Variants in KCNMB2 observed in about 807,000 individuals in gnomAD.
KCNMB2 encodes calcium-activated potassium channel subunit beta-2.
KCNMB2 carries 9 observed loss-of-function variants against 24.5 expected under a neutral mutation model. The observed-to-expected ratio is 0.37, with a 90% CI of 0.22 to 0.64. The LOEUF (loss-of-function observed/expected upper bound fraction) is 0.64. Ranked by LOEUF, KCNMB2 falls within the 30% of genes least tolerant of loss-of-function variation. KCNMB2 has a pLI of 0.63. For synonymous variants in KCNMB2, 109 were observed against 104.4 expected, an observed-to-expected ratio of 1.04 and a Z score of -0.27; for missense variants, 226 against 284.3, an observed-to-expected ratio of 0.79 and a Z score of 1.47.
intron 1 of KCNMB2, among the ~76,000 whole-genome samples, chr3:178,573,438 G>C (rs964615123): frequency 1.3e-5 from 2 of 152,042 alleles, no homozygotes; most frequent in Non-Finnish European, 2.9e-5. Flanking sequence ...TTCCGTATTT[G>C]ACCAAAGATT....
At chr3:178,804,360 A>G (rs1303186810) in intron 1 of KCNMB2, among the ~76,000 whole-genome samples, 1 of 152,128 alleles carries the variant, frequency 6.6e-6, no homozygotes, top group Non-Finnish European at 1.5e-5. Context: ...TTTAACCTGC[A>G]CAGAACCTTT....
At chr3:178,811,682 G>A (rs1714199631) in intron 2 of KCNMB2, among the ~76,000 whole-genome samples, 1 of 151,964 alleles carries the variant, frequency 6.6e-6, no homozygotes, top group African/African-American at 2.4e-5. Flanking sequence ...TCTTCTACAT[G>A]TCTCTTTGTG....
intron 4 of KCNMB2, 148 bp from the exon 5 acceptor site, chr3:178,842,505 G>A: frequency 1.7e-6 from 1 of 582,794 alleles, no homozygotes; most frequent in East Asian, 2.7e-5. Context: ...TATTTATTAG[G>A]GTTTCCAAAG....
At chr3:178,734,201 T>C (rs1723245327) in intron 1 of KCNMB2, among the ~76,000 whole-genome samples, 1 of 152,228 alleles carries the variant, frequency 6.6e-6, no homozygotes, top group African/African-American at 2.4e-5. Flanking sequence ...ACACATAGGC[T>C]GAAGGTAATT....
intron 1 of KCNMB2, chr3:178,749,094 CGA>C (rs2108386423): frequency 6.6e-6 from 1 of 152,194 alleles, no homozygotes; most frequent in South Asian, 2.1e-4. Flanking sequence ...AGCATGGTCC[CGA>C]GAGTCTGACA....
chr3:178,648,343 T>C (rs1577071008), intron 1 of KCNMB2, among the ~76,000 whole-genome samples: 1 of 152,116 alleles, frequency 6.6e-6, no homozygotes, highest in Admixed American at 6.6e-5. Context: ...TTCAAGACCA[T>C]CCTGGGCAAC....
intron 1 of KCNMB2, among the ~76,000 whole-genome samples, chr3:178,627,063 A>C (rs1206133340): frequency 6.6e-6 from 1 of 151,996 alleles, no homozygotes; most frequent in Non-Finnish European, 1.5e-5. Flanking sequence ...TATTAAGTGC[A>C]ATTAATGTCA....
intron 1 of KCNMB2, among the ~76,000 whole-genome samples, chr3:178,557,252 G>A (rs1238554970): frequency 6.6e-6 from 1 of 152,150 alleles, no homozygotes; most frequent in Non-Finnish European, 1.5e-5. Flanking sequence ...TTACTTAGAA[G>A]AACTGGACAT....
At chr3:178,760,820 A>C (rs1374166907) in intron 1 of KCNMB2, among the ~76,000 whole-genome samples, 17 of 152,126 alleles carry the variant, frequency 1.1e-4, no homozygotes, top group Admixed American at 1.1e-3. Context: ...GACAAGTAAC[A>C]AATAGAAAAA....
At chr3:178,629,044 T>C (rs566305225) in intron 1 of KCNMB2, among the ~76,000 whole-genome samples, 2 of 152,270 alleles carry the variant, frequency 1.3e-5, no homozygotes, top group East Asian at 3.9e-4. Context: ...AATTAATATT[T>C]TCATTCAGAC....
intron 1 of KCNMB2, among the ~76,000 whole-genome samples, chr3:178,734,152 G>C (rs7609675): frequency 0.49 from 73,764 of 151,946 alleles, 18,384 homozygotes; most frequent in African/African-American, 0.61. Context: ...GTGCCCAAGT[G>C]TAAGCCCAAA....
At chr3:178,815,579 G>A (rs1340160125) in intron 2 of KCNMB2, among the ~76,000 whole-genome samples, 1 of 151,946 alleles carries the variant, frequency 6.6e-6, no homozygotes, top group African/African-American at 2.4e-5. Flanking sequence ...AATAAAACAG[G>A]TAATAATGGA....
intron 1 of KCNMB2, among the ~76,000 whole-genome samples, chr3:178,567,204 G>A (rs560100470): frequency 6.6e-6 from 1 of 152,230 alleles, no homozygotes; most frequent in South Asian, 2.1e-4. Flanking sequence ...TGTACATGTA[G>A]ATGAGAGTAC....
At chr3:178,556,562 G>T (rs541100352) in intron 1 of KCNMB2, among the ~76,000 whole-genome samples, 1 of 152,064 alleles carries the variant, frequency 6.6e-6, no homozygotes, top group Non-Finnish European at 1.5e-5. Flanking sequence ...CTGCCACCAC[G>T]CCCAGCTAAT....
At chr3:178,727,312 T>C (rs767539127) in intron 1 of KCNMB2, among the ~76,000 whole-genome samples, 2 of 152,132 alleles carry the variant, frequency 1.3e-5, no homozygotes, top group African/African-American at 2.4e-5. Context: ...CTTTTAGGAC[T>C]CAAATAAATT....
chr3:178,807,254 C>A, intron 1 of KCNMB2, 89 bp from the exon 2 acceptor site: 1 of 550,506 alleles, frequency 1.8e-6, no homozygotes, highest in African/African-American at 1.9e-5. Context: ...AAACCACTGC[C>A]CCTATGGAAT....
At chr3:178,563,856 G>A (rs1439642771) in intron 1 of KCNMB2, among the ~76,000 whole-genome samples, 1 of 152,176 alleles carries the variant, frequency 6.6e-6, no homozygotes, top group Middle Eastern at 3.2e-3. Context: ...CGTTTTGTGA[G>A]ACTGAGTCAA....
chr3:178,819,436 C>T (rs532583117), intron 2 of KCNMB2, among the ~76,000 whole-genome samples: 13 of 152,180 alleles, frequency 8.5e-5, no homozygotes, highest in Admixed American at 4.6e-4. Context: ...TCAATCTCTC[C>T]GCCCCTCTGT....
chr3:178,579,152 A>T (rs938707463), intron 1 of KCNMB2, among the ~76,000 whole-genome samples: 1 of 152,216 alleles, frequency 6.6e-6, no homozygotes, highest in African/African-American at 2.4e-5. Context: ...AATGCAAAAG[A>T]ACAGAAATCA....
Sources: gnomAD v4.1 joint callset for allele counts (sites outside exome capture counted in the v4.1 genomes callset) on GRCh38, gnomAD v4.1.1 for gene constraint, MANE v1.5 for transcripts, NCBI Gene and HGNC (gene_info 2026-07-23, HGNC 2026-07-21) for gene names.